The following DLGAP1 variants were observed in gnomAD, a reference collection of about 807,000 sequenced individuals.
DLGAP1 encodes the protein disks large-associated protein 1.
A neutral mutation model predicts 90.8 loss-of-function variants in DLGAP1; 11 were observed. That is an observed-to-expected ratio of 0.12 (90% CI 0.08 to 0.20). The LOEUF is 0.20. Ranked by LOEUF, DLGAP1 falls within the 10% of genes least tolerant of loss-of-function variation. DLGAP1 has a pLI of 1.00. For missense variants in DLGAP1, 1,050 were observed against 1,333.8 expected, an observed-to-expected ratio of 0.79 and a Z score of 3.31; for synonymous variants, 558 against 540.7, an observed-to-expected ratio of 1.03 and a Z score of -0.44.
intron 1 of DLGAP1, among the ~76,000 whole-genome samples, chr18:4,225,395 T>C (rs2078164228): frequency 6.6e-6 from 1 of 151,968 alleles, no homozygotes; most frequent in Non-Finnish European, 1.5e-5. Flanking sequence ...GCCCAGACAC[T>C]GATGAACATC....
chr18:4,005,122 T>G lies in DLGAP1; in HGVS notation c.-79A>C, dbSNP rs1000929. ...CTTCCCAACCATGACTTACTGTTCT[T>G]AGCGCCGTTGTCATTCAATCAGGAA... On this transcript the variant is annotated 5_prime_UTR_variant, in exon 3 of 13. Transcript: ENST00000315677. 2.0e-5 allele frequency: 3 copies of G among 152,156 alleles called. No individual in the cohort carries two copies. In the East Asian group the frequency reaches 5.8e-4, roughly 29 times the overall value. 9.4% of individuals were successfully genotyped at this position (152,156 alleles called of 1,614,324 possible).
chr18:3,568,933 G>C (rs575051889), intron 8 of DLGAP1, among the ~76,000 whole-genome samples: 1 of 151,808 alleles, frequency 6.6e-6, no homozygotes, highest in Admixed American at 6.6e-5. Context: ...TGATCCGCCC[G>C]CCTCGGCCTC....
intron 5 of DLGAP1, among the ~76,000 whole-genome samples, chr18:3,751,883 CTTT>C (rs759513286): frequency 4.4e-5 from 5 of 112,462 alleles, no homozygotes; most frequent in East Asian, 2.8e-4. Flanking sequence ...TCTTCTTCTT[CTTT>C]TTTTTTTTTT....
At chr18:3,592,435 C>A (rs374865144) in intron 7 of DLGAP1, among the ~76,000 whole-genome samples, 1 of 152,186 alleles carries the variant, frequency 6.6e-6, no homozygotes, top group African/African-American at 2.4e-5. Flanking sequence ...CTGGCAACAA[C>A]AAAGATGATG....
At position 4,095,548 on chromosome 18, in the gene DLGAP1, T is replaced by C. The variant is rs372021161; in HGVS notation, c.-159+55632A>G. On this transcript the variant is annotated intron_variant, in intron 2 of 12. Coordinates refer to ENST00000315677, the MANE Select transcript of DLGAP1 (RefSeq NM_004746.4). The stretch of plus-strand genomic sequence containing the variant: ...TATATAAAGAATATAGGAGACAAGA[T>C]AGTAAGAGATGATCAAGTAAAGAAG... Among the ~76,000 whole-genome samples the C allele has an allele frequency of 1.7e-3, 263 of 152,082 alleles. 2 individuals are homozygous for C. In the South Asian group the frequency reaches 0.027, roughly 16 times the overall value.
At chr18:3,518,179 GC>G (rs1158119861) in intron 10 of DLGAP1, among the ~76,000 whole-genome samples, 1 of 152,148 alleles carries the variant, frequency 6.6e-6, no homozygotes, top group African/African-American at 2.4e-5. Context: ...TTATTAATTG[GC>G]CTAATTTGAA....
intron 4 of DLGAP1, among the ~76,000 whole-genome samples, chr18:3,839,618 C>T (rs938547285): frequency 1.3e-5 from 2 of 152,172 alleles, no homozygotes; most frequent in African/African-American, 4.8e-5. Flanking sequence ...GGACCTAGGG[C>T]CTCTCAGGGT....
chr18:3,764,888 T>A (rs2064146816), intron 5 of DLGAP1, among the ~76,000 whole-genome samples: 1 of 152,044 alleles, frequency 6.6e-6, no homozygotes, highest in Non-Finnish European at 1.5e-5. Context: ...GTGAGTGGCG[T>A]CAACTTTGTC....
chr18:3,944,672 A>C (rs2072841682), intron 3 of DLGAP1, among the ~76,000 whole-genome samples: 1 of 152,260 alleles, frequency 6.6e-6, no homozygotes, highest in African/African-American at 2.4e-5. Flanking sequence ...GGTAAGAATT[A>C]CTGCTGTAAT....
At chr18:3,895,667 T>C (rs2071604857) in intron 3 of DLGAP1, 1 of 152,298 alleles carries the variant, frequency 6.6e-6, no homozygotes, top group South Asian at 2.1e-4. Flanking sequence ...TAACGCATTG[T>C]TGGTGCCAGC....
chr18:3,803,373 C>T (rs879854057), intron 5 of DLGAP1, among the ~76,000 whole-genome samples: 7 of 152,192 alleles, frequency 4.6e-5, no homozygotes, highest in Non-Finnish European at 8.8e-5. Flanking sequence ...TTTTCAAACC[C>T]AGGCTCTGAA....
chr18:4,078,998 A>G (rs1336180829), intron 2 of DLGAP1, among the ~76,000 whole-genome samples: 3 of 152,170 alleles, frequency 2.0e-5, no homozygotes, highest in Admixed American at 2.0e-4. Context: ...CATAACCCTT[A>G]GATGAAGAAG....
chr18:4,008,302 C>T (rs2074347254), intron 2 of DLGAP1, among the ~76,000 whole-genome samples: 2 of 152,172 alleles, frequency 1.3e-5, no homozygotes, highest in South Asian at 4.2e-4. Flanking sequence ...ATGTCCAGCT[C>T]TTCCGTAAAA....
intron 2 of DLGAP1, among the ~76,000 whole-genome samples, chr18:4,135,785 TGA>T (rs2076389004): frequency 7.5e-6 from 1 of 133,460 alleles, no homozygotes; most frequent in African/African-American, 3.1e-5. Flanking sequence ...TGAGAGAATC[TGA>T]TTCTTTTTTT....
intron 1 of DLGAP1, among the ~76,000 whole-genome samples, chr18:4,192,136 C>T (rs1048968638): frequency 1.3e-5 from 2 of 152,062 alleles, no homozygotes; most frequent in Non-Finnish European, 2.9e-5. Flanking sequence ...AAAAAACGCC[C>T]TTATTTATAA....
intron 3 of DLGAP1, among the ~76,000 whole-genome samples, chr18:3,908,303 T>C (rs890257044): frequency 2.0e-5 from 3 of 152,170 alleles, no homozygotes; most frequent in Non-Finnish European, 4.4e-5. Context: ...ATAAATAATC[T>C]CATGATATAT....
rs185650803 is a variant in DLGAP1 at position 3,590,667 on chromosome 18, G to C, written c.1592-8419C>G. Among the ~76,000 whole-genome samples, 11 of 152,108 alleles carry C rather than the reference G, an allele frequency of 7.2e-5. No homozygotes were observed. In the East Asian group the frequency reaches 1.9e-3, roughly 27 times the overall value. ...GTCAGGAGTTTGAGACCATCCTGGC[G>C]AACATGGTGAAACCCTGTCTCTACT... On this transcript the variant is annotated intron_variant, in intron 7 of 12. Coordinates refer to ENST00000315677, the MANE Select transcript of DLGAP1 (RefSeq NM_004746.4).
chr18:3,682,127 A>AT (rs907023319), intron 7 of DLGAP1, among the ~76,000 whole-genome samples: 7 of 113,774 alleles, frequency 6.2e-5, no homozygotes, highest in African/African-American at 3.2e-4. Context: ...AAAAAAAAAA[A>AT]AAATAAAAAA....
At chr18:4,147,881 A>C (rs901650463) in intron 2 of DLGAP1, among the ~76,000 whole-genome samples, 3 of 152,198 alleles carry the variant, frequency 2.0e-5, no homozygotes, top group African/African-American at 7.2e-5. Flanking sequence ...TGGATCATTT[A>C]GTTTACAGAG....
Sources: allele counts gnomAD v4.1 joint callset (sites outside exome capture counted in the v4.1 genomes callset), GRCh38; gene constraint gnomAD v4.1.1; transcripts MANE v1.5; gene names NCBI Gene and HGNC (gene_info 2026-07-23, HGNC 2026-07-21).